The following AGBL4 variants were observed in gnomAD, a reference collection of about 807,000 sequenced individuals.
AGBL4 encodes cytosolic carboxypeptidase 6.
AGBL4 carries 58 observed loss-of-function variants against 66.4 expected under a neutral mutation model. The ratio of observed to expected loss-of-function variants is 0.87; its 90% CI spans 0.71 to 1.09. AGBL4 has a LOEUF of 1.09. AGBL4 is among the 50% of genes least tolerant of loss of function. The pLI is 0.00. For missense variants in AGBL4, 579 were observed against 631.0 expected, an observed-to-expected ratio of 0.92 and a Z score of 0.88; for synonymous variants, 234 against 222.9, an observed-to-expected ratio of 1.05 and a Z score of -0.44.
intron 6 of AGBL4, among the ~76,000 whole-genome samples, chr1:48,755,004 C>T (rs950274678): frequency 6.6e-6 from 1 of 152,172 alleles, no homozygotes; most frequent in Non-Finnish European, 1.5e-5. Context: ...AACTCCATGC[C>T]TCCATGTTGG....
intron 6 of AGBL4, among the ~76,000 whole-genome samples, chr1:48,676,284 G>A (rs545632906): frequency 6.6e-6 from 1 of 152,378 alleles, no homozygotes; most frequent in African/African-American, 2.4e-5. Context: ...TGAGTGGGGG[G>A]TCTGAAGGTC....
chr1:49,357,002 T>A (rs1273553393), intron 3 of AGBL4, among the ~76,000 whole-genome samples: 1 of 152,166 alleles, frequency 6.6e-6, no homozygotes, highest in African/African-American at 2.4e-5. Context: ...CAAGAAATGT[T>A]GTAGAGACTT....
At chr1:48,940,716 CG>C (rs1655894474) in intron 5 of AGBL4, among the ~76,000 whole-genome samples, 1 of 152,176 alleles carries the variant, frequency 6.6e-6, no homozygotes, top group Non-Finnish European at 1.5e-5. Context: ...CTACCCTCAA[CG>C]GTTATATCCA....
Position 49,587,566 on chromosome 1 carries a change from G to A in AGBL4, c.282+109747C>T, listed in dbSNP as rs17105713. Among the ~76,000 whole-genome samples, 1,220 of 152,046 alleles carry A rather than the reference G, an allele frequency of 8.0e-3. 9 individuals are homozygous for A. The highest frequency in any genetic ancestry group is 0.031 in the Middle Eastern group (9 of 294). On this transcript the variant is annotated intron_variant, in intron 3 of 13. Coordinates refer to ENST00000371839, the MANE Select transcript of AGBL4 (RefSeq NM_032785.4). ...CTGGCTTGAACTAAATTAAATACCC[G>A]CTAGCTGGAACCCTGTATGCAAAAG...
At chr1:49,694,102 A>T (rs140795857) in intron 3 of AGBL4, among the ~76,000 whole-genome samples, 150 of 152,280 alleles carry the variant, frequency 9.9e-4, no homozygotes, top group African/African-American at 3.4e-3. Context: ...TGCAATTTTT[A>T]AAATTTATTT....
chr1:48,601,685 G>A (rs1645075519), intron 9 of AGBL4, among the ~76,000 whole-genome samples: 1 of 152,168 alleles, frequency 6.6e-6, no homozygotes, highest in Non-Finnish European at 1.5e-5. Flanking sequence ...CATGGAAGTA[G>A]ATAGGATTAT....
chr1:48,733,935 T>C (rs979465719), intron 6 of AGBL4, among the ~76,000 whole-genome samples: 2 of 152,050 alleles, frequency 1.3e-5, no homozygotes, highest in Admixed American at 6.6e-5. Context: ...ACACAGCAGA[T>C]GATTTTATAC....
chr1:49,774,491 G>T lies in AGBL4; in HGVS notation c.157+76905C>A, dbSNP rs374802323. Among the ~76,000 whole-genome samples the T allele has an allele frequency of 3.4e-4, 52 of 152,310 alleles. 1 individual carries two copies. The South Asian group carries it at 9.5e-3, about 28-fold the overall frequency. ...GTTTTGGTTCCTTTATATGGGGCAG[G>T]TGGAGGGGGATGAGAGCCAGGCCAC... On this transcript the variant is annotated intron_variant, in intron 2 of 13. Transcript: ENST00000371839.
At chr1:49,103,703 TAAG>T (rs1257538652) in intron 4 of AGBL4, among the ~76,000 whole-genome samples, 2 of 152,266 alleles carry the variant, frequency 1.3e-5, no homozygotes, top group Non-Finnish European at 1.5e-5. Flanking sequence ...CTTGTGTTAC[TAAG>T]AAGATTCTAC....
intron 1 of AGBL4, chr1:49,995,306 G>C: frequency 2.2e-6 from 1 of 454,406 alleles, no homozygotes; most frequent in South Asian, 1.6e-5. Flanking sequence ...CAGTGCTATT[G>C]GGGTGCACAG....
At chr1:48,730,040 C>T (rs1647847829) in intron 6 of AGBL4, among the ~76,000 whole-genome samples, 1 of 152,186 alleles carries the variant, frequency 6.6e-6, no homozygotes, top group Non-Finnish European at 1.5e-5. Context: ...TCTACTCATT[C>T]TTCCAGATTC....
At chr1:49,304,041 A>G (rs1047875320) in intron 3 of AGBL4, among the ~76,000 whole-genome samples, 4 of 152,314 alleles carry the variant, frequency 2.6e-5, no homozygotes, top group Middle Eastern at 3.4e-3. Context: ...CATTTTTGTC[A>G]TGAAATCTGT....
At chr1:49,991,877 C>T (rs905773572) in intron 1 of AGBL4, among the ~76,000 whole-genome samples, 1 of 152,100 alleles carries the variant, frequency 6.6e-6, no homozygotes, top group Admixed American at 6.5e-5. Flanking sequence ...TTCTTACTAA[C>T]TATGTGAGCT....
chr1:48,552,303 C>T (rs1453110941), intron 11 of AGBL4, among the ~76,000 whole-genome samples: 1 of 152,130 alleles, frequency 6.6e-6, no homozygotes, highest in East Asian at 1.9e-4. Flanking sequence ...ACCTTATGAT[C>T]CGCCTGCCTC....
intron 3 of AGBL4, among the ~76,000 whole-genome samples, chr1:49,460,633 T>A (rs1445897960): frequency 6.6e-6 from 1 of 151,746 alleles, no homozygotes; most frequent in Non-Finnish European, 1.5e-5. Flanking sequence ...CTATTCATCA[T>A]GCTATTTGTT....
chr1:49,919,109 C>A (rs578058218), intron 1 of AGBL4, among the ~76,000 whole-genome samples: 4 of 152,280 alleles, frequency 2.6e-5, no homozygotes, highest in South Asian at 4.2e-4. Context: ...CTATCTATGA[C>A]AAACCCACAG....
chr1:49,748,677 C>T (rs555763822), intron 2 of AGBL4, among the ~76,000 whole-genome samples: 6 of 152,280 alleles, frequency 3.9e-5, no homozygotes, highest in Admixed American at 3.9e-4. Flanking sequence ...CTGTTGTTTC[C>T]TGACTTTTTA....
At position 48,592,044 on chromosome 1, in the gene AGBL4, A is replaced by G. The variant is rs188475444; in HGVS notation, c.952-1059T>C. On this transcript the variant is annotated intron_variant, in intron 9 of 13. Coordinates refer to ENST00000371839, the MANE Select transcript of AGBL4 (RefSeq NM_032785.4). ...TGATTTTTAGACCATTAGATCTTCA[A>G]TTGCCCTCAAATCCAATCTTCCCTT... is the stretch of plus-strand genomic sequence containing the variant. Among the ~76,000 whole-genome samples, 153 of 152,334 alleles carry G rather than the reference A, an allele frequency of 1.0e-3. 1 individual carries two copies. In the South Asian group the frequency reaches 0.022, roughly 22 times the overall value.
At chr1:48,991,249 T>C (rs564658010) in intron 5 of AGBL4, among the ~76,000 whole-genome samples, 3 of 152,344 alleles carry the variant, frequency 2.0e-5, no homozygotes, top group African/African-American at 4.8e-5. Context: ...TACTATAGTG[T>C]ACAATTTTTT....
Sources: gnomAD v4.1 joint callset for allele counts (sites outside exome capture counted in the v4.1 genomes callset) on GRCh38, gnomAD v4.1.1 for gene constraint, MANE v1.5 for transcripts, NCBI Gene and HGNC (gene_info 2026-07-23, HGNC 2026-07-21) for gene names.